The following PCDHA9 variants were observed in gnomAD, a reference collection of about 807,000 sequenced individuals.
PCDHA9 encodes protocadherin alpha 9.
A neutral mutation model predicts 62.0 loss-of-function variants in PCDHA9; 62 were observed. The observed-to-expected ratio is 1.00, with a 90% CI of 0.81 to 1.23. The LOEUF (loss-of-function observed/expected upper bound fraction) is 1.23. PCDHA9 is among the 50% of genes most tolerant of loss of function. The pLI is 0.00. For synonymous variants in PCDHA9, 557 were observed against 567.6 expected (o/e 0.98, Z 0.27); for missense variants, 1,205 against 1,249.8 (o/e 0.96, Z 0.54).
At chr5:140,925,537 A>G (rs1325632505) in intron 1 of PCDHA9, among the ~76,000 whole-genome samples, 4 of 152,070 alleles carry the variant, frequency 2.6e-5, no homozygotes, top group Non-Finnish European at 2.9e-5. Flanking sequence ...GAGGAGAAAT[A>G]CCTAATGTAA....
intron 1 of PCDHA9, among the ~76,000 whole-genome samples, chr5:140,888,737 A>G (rs1468383652): frequency 6.6e-6 from 1 of 152,036 alleles, no homozygotes; most frequent in Non-Finnish European, 1.5e-5. Flanking sequence ...TGTGAGCTCT[A>G]GGAATTATTC....
intron 3 of PCDHA9, among the ~76,000 whole-genome samples, chr5:141,005,998 G>A (rs1289174174): frequency 1.3e-5 from 2 of 151,618 alleles, no homozygotes; most frequent in Non-Finnish European, 2.9e-5. Flanking sequence ...GGATCTGAAA[G>A]AAGGCCTGTA....
intron 1 of PCDHA9, among the ~76,000 whole-genome samples, chr5:140,964,713 A>C (rs2095850699): frequency 6.6e-6 from 1 of 152,070 alleles, no homozygotes; most frequent in South Asian, 2.1e-4. Flanking sequence ...TCCGAGATCA[A>C]ATTACCACAG....
intron 1 of PCDHA9, chr5:140,856,054 T>G: frequency 6.3e-7 from 1 of 1,586,304 alleles, no homozygotes; most frequent in Non-Finnish European, 8.6e-7. Flanking sequence ...ATAAGATGGT[T>G]TCCAGATGTA....
rs2086142013 is a variant in PCDHA9, at chr5:140,929,415, C to T, written c.2395-49534C>T. 11 of 1,504,150 alleles carry T rather than the reference C, an allele frequency of 7.3e-6. 1 individual carries two copies. In the South Asian group the frequency reaches 1.2e-4, roughly 17 times the overall value. 93.2% of individuals were successfully genotyped at this position (1,504,150 alleles called of 1,614,324 possible). A position where few individuals can be genotyped will look rare whatever the true frequency, so the allele number is the denominator to read the frequency against. On this transcript the variant is annotated intron_variant, in intron 1 of 3. Coordinates refer to ENST00000532602, the MANE Select transcript of PCDHA9 (RefSeq NM_031857.2). The stretch of plus-strand genomic sequence containing the variant: ...TATTTCTTAGACAAGCCTTTCACAA[C>T]ATTTCATCAATTGAACTAAACACTC...
intron 1 of PCDHA9, chr5:140,868,962 A>G (rs1554162350): frequency 1.4e-5 from 20 of 1,421,940 alleles, no homozygotes; most frequent in Non-Finnish European, 3.8e-6. Flanking sequence ...CTCCCATACA[A>G]AGGAACTCCA....
At chr5:140,857,797 G>A (rs371795952) in intron 1 of PCDHA9, 2 of 1,597,708 alleles carry the variant, frequency 1.3e-6, no homozygotes, top group Middle Eastern at 1.7e-4. Flanking sequence ...TGCTGCGGTC[G>A]GTGGTTGCGG....
At chr5:141,007,688 C>A (rs1554261446) in intron 3 of PCDHA9, among the ~76,000 whole-genome samples, 1 of 152,170 alleles carries the variant, frequency 6.6e-6, no homozygotes, top group Admixed American at 6.5e-5. Flanking sequence ...ATCCTACTTC[C>A]ACCTCCCTCC....
At chr5:140,865,628 G>A (rs2048940891) in intron 1 of PCDHA9, 1 of 152,162 alleles carries the variant, frequency 6.6e-6, no homozygotes, top group African/African-American at 2.4e-5. Flanking sequence ...TAGACATCAT[G>A]AAGGGACTTA....
At chr5:140,968,044 A>C (rs959631573) in intron 1 of PCDHA9, 2 of 1,614,142 alleles carry the variant, frequency 1.2e-6, no homozygotes, top group Non-Finnish European at 1.7e-6. Context: ...TGAGCGGCCC[A>C]CTGGACCGAG....
chr5:140,920,204 G>A (rs185996994), intron 1 of PCDHA9, among the ~76,000 whole-genome samples: 3 of 152,222 alleles, frequency 2.0e-5, no homozygotes, highest in Admixed American at 1.3e-4. Context: ...AGCAGCCACA[G>A]AAAACCAATG....
At chr5:140,860,209 G>A (rs1263350528) in intron 1 of PCDHA9, 13 of 147,554 alleles carry the variant, frequency 8.8e-5, no homozygotes, top group Middle Eastern at 7.1e-3. Context: ...ATCTATATAT[G>A]TACTTATGTA....
chr5:141,006,618 A>G (rs74748321), intron 3 of PCDHA9, among the ~76,000 whole-genome samples: 53 of 152,290 alleles, frequency 3.5e-4, no homozygotes, highest in African/African-American at 1.3e-3. Flanking sequence ...GAATAAGGAG[A>G]CTATTGCTGC....
intron 1 of PCDHA9, among the ~76,000 whole-genome samples, chr5:140,948,089 G>A (rs1348120900): frequency 6.6e-6 from 1 of 151,454 alleles, no homozygotes; most frequent in African/African-American, 2.4e-5. Flanking sequence ...CTATTGATAT[G>A]AGCATATGAT....
At chr5:140,870,992 T>G (rs782714479) in intron 1 of PCDHA9, 3 of 1,613,478 alleles carry the variant, frequency 1.9e-6, no homozygotes, top group Non-Finnish European at 2.5e-6. Flanking sequence ...ACGGGCGAGA[T>G]AAGCACAACG....
chr5:141,009,852 A>G lies in PCDHA9; in HGVS notation c.2768A>G (p.Lys923Arg), dbSNP rs1554262492. The G allele has an allele frequency of 6.2e-7, 1 of 1,614,074 alleles. No homozygotes were observed. Among genetic ancestry groups the G allele is most frequent in the East Asian group, 2.2e-5 (1 of 44,874 alleles). ...FITFGKKEET[K>R]KKKKKKKGNK... ...ACCTTCGGCAAAAAGGAGGAGACCA[A>G]GAAAAAGAAGAAAAAGAAGAAGGGT... Residue 923 changes from lysine (K) to arginine (R), a missense_variant, in exon 4 of 4, where the codon AAG becomes AGG. Physicochemically the swap from Lys to Arg is conservative, Grantham distance 26. This residue lies in a region of PCDHA9 where 887 missense variants were observed against 809.5 expected (regional missense o/e 1.10). Coordinates refer to ENST00000532602, the MANE Select transcript of PCDHA9 (RefSeq NM_031857.2).
chr5:140,928,563 T>C lies in PCDHA9; in HGVS notation c.2395-50386T>C, dbSNP rs138980511. 9.3e-4 allele frequency: 1,498 copies of C among 1,614,116 alleles called. 1 individual carries two copies. Among genetic ancestry groups the C allele is most frequent in the Non-Finnish European group, 1.2e-3 (1,397 of 1,180,050 alleles). On this transcript the variant is annotated intron_variant, in intron 1 of 3. Coordinates refer to ENST00000532602, the MANE Select transcript of PCDHA9 (RefSeq NM_031857.2). ...ATGACAATTATCCGGTTATCTTGTT[T>C]CCCTTGCCCAGAAATGGTTCTGTCC...
At chr5:140,928,671 T>C in intron 1 of PCDHA9, 7 of 1,614,214 alleles carry the variant, frequency 4.3e-6, no homozygotes, top group Non-Finnish European at 5.9e-6. Context: ...GTGGTTCTAA[T>C]GCCTGGCTTT....
intron 3 of PCDHA9, among the ~76,000 whole-genome samples, chr5:140,985,402 C>T (rs1554247027): frequency 6.6e-6 from 1 of 152,118 alleles, no homozygotes; most frequent in African/African-American, 2.4e-5. Context: ...CAACTGTTCC[C>T]CTGGAAATGG....
Sources: gnomAD v4.1 joint callset for allele counts (sites outside exome capture counted in the v4.1 genomes callset) on GRCh38, gnomAD v4.1.1 for gene constraint, gnomAD v4.1.1 regional missense constraint, MANE v1.5 for transcripts, NCBI Gene and HGNC (gene_info 2026-07-23, HGNC 2026-07-21) for gene names.